Variants in CFAP20DC observed in about 807,000 individuals in gnomAD.
CFAP20DC encodes the protein CFAP20 domain containing.
A neutral mutation model predicts 101.7 loss-of-function variants in CFAP20DC; 84 were observed. That is an observed-to-expected ratio of 0.83 (90% CI 0.69 to 0.99). The LOEUF (loss-of-function observed/expected upper bound fraction) is 0.99. Among genes scored for constraint, CFAP20DC ranks in the 50% least tolerant of loss-of-function variants. The pLI, the probability that CFAP20DC is intolerant of heterozygous loss-of-function variation, is 0.00. For missense variants in CFAP20DC, 1,007 were observed against 970.3 expected (o/e 1.04, Z -0.50); for synonymous variants, 359 against 351.2 (o/e 1.02, Z -0.25).
At chr3:58,919,164 G>A (rs1363387015) in intron 5 of CFAP20DC, among the ~76,000 whole-genome samples, 1 of 152,010 alleles carries the variant, frequency 6.6e-6, no homozygotes, top group Non-Finnish European at 1.5e-5. Context: ...ATTTGTGTTT[G>A]TTCTATAACT....
chr3:58,776,077 C>T (rs1239563396), intron 15 of CFAP20DC, among the ~76,000 whole-genome samples: 1 of 152,118 alleles, frequency 6.6e-6, no homozygotes, highest in Non-Finnish European at 1.5e-5. Context: ...GCGCTTCTTT[C>T]CTAAGGGCAA....
downstream of CFAP20DC, among the ~76,000 whole-genome samples, chr3:58,740,136 T>G (rs1264771861): frequency 6.6e-6 from 1 of 152,066 alleles, no homozygotes; most frequent in Non-Finnish European, 1.5e-5. This position sits in a 1 kb window ranked among gnomAD's most constrained non-coding sequence, Gnocchi z 4.6. Flanking sequence ...GCAGGTGGAC[T>G]GAGTAGCTGA....
intron 15 of CFAP20DC, among the ~76,000 whole-genome samples, chr3:58,792,412 T>C (rs1000373015): frequency 6.6e-6 from 1 of 152,102 alleles, no homozygotes; most frequent in Non-Finnish European, 1.5e-5. Flanking sequence ...AACCCAAGCC[T>C]TACATTAGGT....
At chr3:58,916,074 C>G (rs527748752) in intron 5 of CFAP20DC, among the ~76,000 whole-genome samples, 1 of 152,078 alleles carries the variant, frequency 6.6e-6, no homozygotes, top group East Asian at 1.9e-4. Context: ...AAGTGGCTCT[C>G]TATGATTACC....
chr3:58,746,410 T>C (rs2068209270), intron 16 of CFAP20DC, among the ~76,000 whole-genome samples: 1 of 152,126 alleles, frequency 6.6e-6, no homozygotes, highest in Admixed American at 6.5e-5. Context: ...TCTGTGCCTA[T>C]GTTTGCAAAA....
chr3:58,895,374 T>G, intron 6 of CFAP20DC, among the ~76,000 whole-genome samples: 1 of 152,192 alleles, frequency 6.6e-6, no homozygotes, highest in Non-Finnish European at 1.5e-5. Flanking sequence ...CCAGATACCC[T>G]AAATCATCCC....
chr3:58,982,905 T>C (rs965824524), intron 4 of CFAP20DC, among the ~76,000 whole-genome samples: 1 of 152,060 alleles, frequency 6.6e-6, no homozygotes, highest in Non-Finnish European at 1.5e-5. Flanking sequence ...AGGAGGAGAT[T>C]GGAAGACAGG....
intron 4 of CFAP20DC, among the ~76,000 whole-genome samples, chr3:58,999,858 A>AG (rs1182358061): frequency 6.6e-6 from 1 of 151,216 alleles, no homozygotes; most frequent in Non-Finnish European, 1.5e-5. Context: ...AAAAAAAAAA[A>AG]AAAAAAAAAG....
chr3:58,893,065 A>G (rs1402699233), intron 6 of CFAP20DC, among the ~76,000 whole-genome samples: 4 of 140,766 alleles, frequency 2.8e-5, no homozygotes, highest in Non-Finnish European at 6.1e-5. Flanking sequence ...TTTTTTTGAG[A>G]TGGAGTCTCG....
intron 15 of CFAP20DC, among the ~76,000 whole-genome samples, chr3:58,772,998 G>C (rs2070992762): frequency 6.6e-6 from 1 of 151,548 alleles, no homozygotes; most frequent in Non-Finnish European, 1.5e-5. Context: ...TTTCTATGCT[G>C]GTTGAATTTT....
At chr3:58,832,796 A>C (rs1319176652) in intron 13 of CFAP20DC, among the ~76,000 whole-genome samples, 1 of 152,206 alleles carries the variant, frequency 6.6e-6, no homozygotes, top group Non-Finnish European at 1.5e-5. Context: ...AGACTTTTCA[A>C]AATTTTCCCT....
chr3:58,725,603 ACAGTT>A (rs1030549025), intron 3 of CFAP20DC, among the ~76,000 whole-genome samples: 2 of 152,210 alleles, frequency 1.3e-5, no homozygotes, highest in African/African-American at 4.8e-5. Flanking sequence ...GACACCCACG[ACAGTT>A]CCCCAAAGCA....
At chr3:58,763,017 T>C (rs1388823031) in intron 15 of CFAP20DC, among the ~76,000 whole-genome samples, 3 of 152,178 alleles carry the variant, frequency 2.0e-5, no homozygotes, top group Admixed American at 6.5e-5. Context: ...TGATGTGTCT[T>C]GGAGTTGCTC....
chr3:58,940,460 G>C (rs931240017), intron 4 of CFAP20DC, among the ~76,000 whole-genome samples: 3 of 152,162 alleles, frequency 2.0e-5, no homozygotes, highest in African/African-American at 7.2e-5. Flanking sequence ...TGAGTTGTAT[G>C]ACATAGGGGT....
At chr3:58,910,276 C>T (rs1357259257) in intron 6 of CFAP20DC, among the ~76,000 whole-genome samples, 1 of 152,108 alleles carries the variant, frequency 6.6e-6, no homozygotes, top group African/African-American at 2.4e-5. Flanking sequence ...CCCACTCACT[C>T]ATTTTTGTGG....
At chr3:58,718,827 T>G (rs533901471) in intron 3 of CFAP20DC, among the ~76,000 whole-genome samples, 2 of 152,324 alleles carry the variant, frequency 1.3e-5, no homozygotes, top group East Asian at 3.9e-4. Flanking sequence ...TATATACTGA[T>G]CTCTTCTCCC....
intron 4 of CFAP20DC, among the ~76,000 whole-genome samples, chr3:58,944,577 T>TATAGACTAGTATA (rs1559872391): frequency 1.7e-4 from 26 of 152,190 alleles, no homozygotes; most frequent in African/African-American, 5.1e-4. Context: ...ATAGACATCG[T>TATAGACTAGTATA]GCTAAGTGCT....
intron 4 of CFAP20DC, among the ~76,000 whole-genome samples, chr3:58,966,507 T>A (rs1474475010): frequency 6.7e-6 from 1 of 149,304 alleles, no homozygotes; most frequent in Non-Finnish European, 1.5e-5. Flanking sequence ...TGTGTGTGTG[T>A]GTGTATATAT....
downstream of CFAP20DC, among the ~76,000 whole-genome samples, chr3:58,741,464 A>T (rs1341182303): frequency 6.6e-6 from 1 of 151,900 alleles, no homozygotes; most frequent in Non-Finnish European, 1.5e-5. Context: ...ATCTAGATGA[A>T]TCTATTATTA....
Sources: gnomAD v4.1 joint callset for allele counts (sites outside exome capture counted in the v4.1 genomes callset) on GRCh38, gnomAD v4.1.1 for gene constraint, Gnocchi (gnomAD v3.1) non-coding constraint, MANE v1.5 for transcripts, NCBI Gene and HGNC (gene_info 2026-07-23, HGNC 2026-07-21) for gene names.